The following PTPN3 variants were observed in gnomAD, a reference collection of about 807,000 sequenced individuals.
PTPN3 encodes the protein protein tyrosine phosphatase non-receptor type 3, also known as tyrosine-protein phosphatase non-receptor type 3.
PTPN3 carries 96 observed loss-of-function variants against 132.7 expected under a neutral mutation model. The ratio of observed to expected loss-of-function variants is 0.72; its 90% CI spans 0.61 to 0.86. The LOEUF is 0.86. Among genes scored for constraint, PTPN3 ranks in the 40% least tolerant of loss-of-function variants. The pLI is 0.00. For missense variants in PTPN3, 1,125 were observed against 1,159.6 expected (o/e 0.97, Z 0.43); for synonymous variants, 398 against 429.0 (o/e 0.93, Z 0.89).
intron 19 of PTPN3, among the ~76,000 whole-genome samples, chr9:109,396,245 C>T (rs889847476): frequency 2.0e-5 from 3 of 152,172 alleles, no homozygotes; most frequent in South Asian, 2.1e-4. Flanking sequence ...TCTGAGAAGG[C>T]GGAGGGACAG....
chr9:109,419,935 G>A (rs896124895), intron 14 of PTPN3, among the ~76,000 whole-genome samples: 6 of 152,134 alleles, frequency 3.9e-5, no homozygotes, highest in East Asian at 1.9e-4. Context: ...ATGTTCTAAC[G>A]TTTGTTTCTT....
intron 11 of PTPN3, 85 bp from the exon 12 acceptor site, chr9:109,427,207 G>A: frequency 7.0e-7 from 1 of 1,431,586 alleles, no homozygotes; most frequent in Non-Finnish European, 9.6e-7. Flanking sequence ...GGTGAAATGA[G>A]GTAAGATGCA....
At position 109,468,030 on chromosome 9, in the gene PTPN3, C is replaced by G. The variant is rs144617315; in HGVS notation, c.-17-4579G>C. On this transcript the variant is annotated intron_variant, in intron 1 of 25. Coordinates refer to ENST00000374541, the MANE Select transcript of PTPN3 (RefSeq NM_002829.4). ...GATGTTGAATAACCCAATAATTGAG[C>G]CATGTGGTATTTTCAGATTGTCTTG... is the stretch of plus-strand genomic sequence containing the variant. 1.8e-4 allele frequency among the ~76,000 whole-genome samples: 27 copies of G among 152,266 alleles called. 1 individual carries two copies. Among genetic ancestry groups the G allele is most frequent in the African/African-American group, 6.5e-4 (27 of 41,562 alleles).
the PTPN3 span, among the ~76,000 whole-genome samples, chr9:109,534,959 T>C: frequency 1.3e-5 from 2 of 152,258 alleles, no homozygotes; most frequent in South Asian, 4.1e-4. Flanking sequence ...CATTTTGCTC[T>C]AATAAAAAGC....
At chr9:109,479,348 G>A (rs565397285) in intron 1 of PTPN3, among the ~76,000 whole-genome samples, 2 of 152,304 alleles carry the variant, frequency 1.3e-5, no homozygotes, top group South Asian at 4.1e-4. Flanking sequence ...ATTTTAGCAT[G>A]TATCAGAACT....
chr9:109,422,576 A>T, intron 13 of PTPN3, 142 bp downstream of exon 13: 1 of 976,368 alleles, frequency 1.0e-6, no homozygotes, highest in Non-Finnish European at 1.5e-6. Context: ...GTACTTCATG[A>T]AAACAGTTAC....
intron 4 of PTPN3, among the ~76,000 whole-genome samples, chr9:109,456,522 G>A (rs1845572475): frequency 6.6e-6 from 1 of 152,224 alleles, no homozygotes; most frequent in Non-Finnish European, 1.5e-5. Context: ...GGAACAGACT[G>A]AGGGGAGGCA....
At chr9:109,393,764 AG>A (rs991783259) in intron 19 of PTPN3, among the ~76,000 whole-genome samples, 3 of 152,192 alleles carry the variant, frequency 2.0e-5, no homozygotes, top group Admixed American at 6.5e-5. Flanking sequence ...CAGTTTGAAT[AG>A]GGAGGGTAAA....
intron 14 of PTPN3, among the ~76,000 whole-genome samples, chr9:109,414,216 G>A (rs934870950): frequency 6.6e-6 from 1 of 152,262 alleles, no homozygotes; most frequent in Non-Finnish European, 1.5e-5. Context: ...CAGGTGCAAA[G>A]TGAAGGCGAG....
intron 1 of PTPN3, among the ~76,000 whole-genome samples, chr9:109,497,664 T>C (rs1439003525): frequency 6.6e-6 from 1 of 152,204 alleles, no homozygotes; most frequent in African/African-American, 2.4e-5. Context: ...CGCAGGTACC[T>C]GATAAATCAT....
rs1564364884 is a variant in PTPN3 at position 109,379,392 on chromosome 9, A to G, written c.*164T>C. 3 of 617,210 alleles carry G rather than the reference A, an allele frequency of 4.9e-6. No individual in the cohort carries two copies. Among genetic ancestry groups the G allele is most frequent in the Non-Finnish European group, 8.6e-6 (3 of 348,274 alleles). 38.2% of individuals were successfully genotyped at this position (617,210 alleles called of 1,614,324 possible). On this transcript the variant is annotated 3_prime_UTR_variant, in exon 26 of 26. Transcript: ENST00000374541. The stretch of plus-strand genomic sequence containing the variant: ...TGCATGCTTATCTACACCAGTTCCT[A>G]TGTACACGATATCTTTTCTATAGAA...
At position 109,454,543 on chromosome 9, in the gene PTPN3, T is replaced by A. The variant is rs921171085; in HGVS notation, c.321A>T (p.Val107=). 1 of 1,613,558 alleles carries A rather than the reference T, an allele frequency of 6.2e-7. No individual in the cohort carries two copies. Among genetic ancestry groups the A allele is most frequent in the African/African-American group, 1.3e-5 (1 of 74,916 alleles). The change falls in exon 5 of 26, where the codon GTA becomes GTT. Residue 107 remains valine (V), a synonymous_variant. Transcript: ENST00000374541. ...TGTTGGGATCAGGTATAAAAAATCT[T>A]ACTCGAAAATGCAGGGTACAGGGGA... The part of the protein sequence containing the change: ...GGFPCTLHFR[V]RFFIPDPNTL...
the PTPN3 span, among the ~76,000 whole-genome samples, chr9:109,506,591 TTTTC>T: frequency 7.3e-6 from 1 of 136,842 alleles, no homozygotes; most frequent in African/African-American, 2.8e-5. Context: ...TCTCTCTTTC[TTTTC>T]TTTCTTTCTT....
chr9:109,448,773 A>T, intron 6 of PTPN3, 38 bp downstream of exon 6: 1 of 1,552,540 alleles, frequency 6.4e-7, no homozygotes, highest in South Asian at 1.2e-5. Flanking sequence ...GAATTTTGCT[A>T]GTCTAACAGG....
At chr9:109,493,166 G>A (rs972921666) in intron 1 of PTPN3, among the ~76,000 whole-genome samples, 1 of 152,190 alleles carries the variant, frequency 6.6e-6, no homozygotes, top group Admixed American at 6.5e-5. Context: ...ACTTTGAGAG[G>A]CTGAGGCAGG....
intron 10 of PTPN3, among the ~76,000 whole-genome samples, chr9:109,430,074 T>C (rs2131890181): frequency 6.6e-6 from 1 of 152,320 alleles, no homozygotes; most frequent in Non-Finnish European, 1.5e-5. Context: ...TTTTTTGGGG[T>C]GACTACAGGT....
chr9:109,400,551 T>G (rs1190454797), intron 19 of PTPN3, among the ~76,000 whole-genome samples: 1 of 152,154 alleles, frequency 6.6e-6, no homozygotes, highest in African/African-American at 2.4e-5. Flanking sequence ...ATTATTCTAA[T>G]AACAACTCTC....
At chr9:109,391,098 G>A (rs1564380850) in intron 21 of PTPN3, 40 bp downstream of exon 21, 4 of 1,572,392 alleles carry the variant, frequency 2.5e-6, no homozygotes, top group South Asian at 1.1e-5. Context: ...TGCGACAGTG[G>A]TGAATGTGCT....
intron 22 of PTPN3, among the ~76,000 whole-genome samples, chr9:109,386,742 G>A (rs904418973): frequency 1.3e-5 from 2 of 152,190 alleles, no homozygotes; most frequent in Non-Finnish European, 2.9e-5. Context: ...CAGTCTCAAG[G>A]TGAGACTTTA....
Sources: allele counts gnomAD v4.1 joint callset (sites outside exome capture counted in the v4.1 genomes callset), GRCh38; gene constraint gnomAD v4.1.1; transcripts MANE v1.5; gene names NCBI Gene and HGNC (gene_info 2026-07-23, HGNC 2026-07-21).